Variants in PTPRM observed in about 807,000 individuals in gnomAD.
The protein encoded by PTPRM is receptor-type tyrosine-protein phosphatase mu.
In PTPRM, 47 loss-of-function variants were observed where a neutral mutation model predicts 186.7. That is an observed-to-expected ratio of 0.25 (90% CI 0.20 to 0.32). The LOEUF (loss-of-function observed/expected upper bound fraction) is 0.32, where lower values mean the gene tolerates loss of function less well. Among genes scored for constraint, PTPRM ranks in the 10% least tolerant of loss-of-function variants. The probability of loss-of-function intolerance (pLI) is 1.00; values close to 1 mark genes in which losing one functional copy is unlikely to be tolerated. For synonymous variants in PTPRM, 668 were observed against 674.9 expected (o/e 0.99, Z 0.16); for missense variants, 1,494 against 1,865.0 (o/e 0.80, Z 3.66).
At chr18:8,147,938 G>T (rs2092922887) in intron 14 of PTPRM, among the ~76,000 whole-genome samples, 3 of 152,134 alleles carry the variant, frequency 2.0e-5, no homozygotes, top group African/African-American at 4.8e-5. Context: ...TTATGTGATG[G>T]GTTACGTTTA....
intron 1 of PTPRM, among the ~76,000 whole-genome samples, chr18:7,616,138 A>G (rs2037797487): frequency 6.6e-6 from 1 of 152,110 alleles, no homozygotes; most frequent in Non-Finnish European, 1.5e-5. Flanking sequence ...GGACATCAGG[A>G]AAGTCCAGCT....
chr18:7,750,699 C>G (rs1028241157), intron 1 of PTPRM, among the ~76,000 whole-genome samples: 1 of 152,180 alleles, frequency 6.6e-6, no homozygotes, highest in Non-Finnish European at 1.5e-5. Context: ...AAAATACGTG[C>G]TATCTCATGA....
At chr18:7,721,398 T>C (rs1197955273) in intron 1 of PTPRM, among the ~76,000 whole-genome samples, 1 of 152,176 alleles carries the variant, frequency 6.6e-6, no homozygotes, top group Non-Finnish European at 1.5e-5. Flanking sequence ...GATTTGTAAG[T>C]ATTTTCTCTC....
At chr18:7,802,748 G>A (rs1451853781) in intron 2 of PTPRM, among the ~76,000 whole-genome samples, 4 of 152,136 alleles carry the variant, frequency 2.6e-5, no homozygotes, top group Non-Finnish European at 5.9e-5. Flanking sequence ...TCTACAGAAA[G>A]TATGACATCT....
intron 1 of PTPRM, among the ~76,000 whole-genome samples, chr18:7,718,116 T>G (rs2040377531): frequency 6.6e-6 from 1 of 152,116 alleles, no homozygotes; most frequent in Admixed American, 6.5e-5. Flanking sequence ...CAAGCAATAC[T>G]AAGCAAAAAG....
At chr18:8,337,905 C>T (rs540914518) in intron 22 of PTPRM, among the ~76,000 whole-genome samples, 8 of 152,238 alleles carry the variant, frequency 5.3e-5, no homozygotes, top group African/African-American at 1.7e-4. Context: ...CTGAGAGCAG[C>T]GGAAAGCTGT....
chr18:8,139,875 C>G (rs767164721), intron 13 of PTPRM, among the ~76,000 whole-genome samples: 1 of 152,192 alleles, frequency 6.6e-6, no homozygotes, highest in Non-Finnish European at 1.5e-5. Flanking sequence ...TGTCTGTCTT[C>G]CCCACAAGGA....
chr18:8,328,255 G>A (rs531661365), intron 22 of PTPRM, among the ~76,000 whole-genome samples: 260 of 152,316 alleles, frequency 1.7e-3, no homozygotes, highest in Middle Eastern at 3.4e-3. Flanking sequence ...AGCCATTCCG[G>A]TAGTGGAGGG....
chr18:8,360,351 G>T (rs576489028), intron 23 of PTPRM, among the ~76,000 whole-genome samples: 1 of 152,172 alleles, frequency 6.6e-6, no homozygotes, highest in African/African-American at 2.4e-5. Context: ...TTCTAGCAGT[G>T]AGAAGGTGGA....
chr18:7,851,741 A>G (rs2046870238), intron 2 of PTPRM, among the ~76,000 whole-genome samples: 1 of 152,192 alleles, frequency 6.6e-6, no homozygotes, highest in African/African-American at 2.4e-5. Flanking sequence ...TAGGTAAAGC[A>G]TGATCGTGCA....
At chr18:8,070,472 CTG>C (rs758047346) in intron 8 of PTPRM, among the ~76,000 whole-genome samples, 51 of 152,260 alleles carry the variant, frequency 3.3e-4, no homozygotes, top group Non-Finnish European at 6.0e-4. Context: ...TCTTGAGAAA[CTG>C]TAAGTTGGTG....
chr18:7,599,539 C>T (rs994237553), intron 1 of PTPRM, among the ~76,000 whole-genome samples: 21 of 152,322 alleles, frequency 1.4e-4, no homozygotes, highest in African/African-American at 4.8e-4. Flanking sequence ...GAGCTCCCAA[C>T]AGCTCTCATC....
At chr18:7,618,380 A>G (rs1364348315) in intron 1 of PTPRM, among the ~76,000 whole-genome samples, 1 of 152,198 alleles carries the variant, frequency 6.6e-6, no homozygotes, top group African/African-American at 2.4e-5. Flanking sequence ...TTTGAATAAT[A>G]CATTTTAAAA....
At chr18:7,569,047 T>C (rs2036507808) in intron 1 of PTPRM, among the ~76,000 whole-genome samples, 1 of 152,206 alleles carries the variant, frequency 6.6e-6, no homozygotes, top group South Asian at 2.1e-4. Flanking sequence ...AATAGGTCTC[T>C]GCGTTTGGGA....
At position 8,379,309 on chromosome 18, in the gene PTPRM, G is replaced by A; in HGVS notation, c.3755G>A (p.Ser1252Asn). The A allele has an allele frequency of 1.2e-6, 2 of 1,613,506 alleles. No homozygotes were observed. The highest frequency in any genetic ancestry group is 1.7e-6 in the Non-Finnish European group (2 of 1,179,826). Residue 1252 changes from serine (S) to asparagine (N), a missense_variant, in exon 28 of 33, where the codon AGC (serine) becomes AAC (asparagine). Around this residue, in one of 3 missense-constraint regions of PTPRM, gnomAD observed 1,107 missense variants for 1,350.2 expected, o/e 0.82. Coordinates refer to ENST00000580170, the MANE Select transcript of PTPRM (RefSeq NM_001105244.2). ...LPFLITIDGE[S>N]SNYINAALMD... ...TTCCTCATCACCATCGATGGGGAGA[G>A]CAGCAACTACATCAATGCTGCCCTC...
rs78778994 is a variant in PTPRM, at chr18:7,729,272, A to G, written c.74-44877A>G. 2.3e-4 allele frequency among the ~76,000 whole-genome samples: 35 copies of G among 152,326 alleles called. No homozygotes were observed. In the East Asian group the frequency reaches 6.8e-3, roughly 29 times the overall value. On this transcript the variant is annotated intron_variant, in intron 1 of 32. Coordinates refer to ENST00000580170, the MANE Select transcript of PTPRM (RefSeq NM_001105244.2). Reference sequence around the variant, plus strand: ...CTTGGCCTTTGTTGTACATCAAGGTAATAAATAAATGGTCCTCACTTATGG... The same window carrying G: ...CTTGGCCTTTGTTGTACATCAAGGTGATAAATAAATGGTCCTCACTTATGG...
At chr18:7,585,290 T>C (rs1567968161) in intron 1 of PTPRM, among the ~76,000 whole-genome samples, 1 of 152,220 alleles carries the variant, frequency 6.6e-6, no homozygotes. Flanking sequence ...AAACGGGATG[T>C]CTTCTAAGCA....
chr18:7,819,478 A>G (rs76823935), intron 2 of PTPRM, among the ~76,000 whole-genome samples: 2,575 of 119,954 alleles, frequency 0.021, 172 homozygotes, highest in Admixed American at 0.16. Context: ...TGGCCAGGGC[A>G]GAGGAGAGCC....
intron 14 of PTPRM, among the ~76,000 whole-genome samples, chr18:8,234,001 A>G (rs568045377): frequency 6.6e-6 from 1 of 152,226 alleles, no homozygotes; most frequent in African/African-American, 2.4e-5. Context: ...TATTTCACCA[A>G]TACCACACTG....
Sources: gnomAD v4.1 joint callset for allele counts (sites outside exome capture counted in the v4.1 genomes callset) on GRCh38, gnomAD v4.1.1 for gene constraint, gnomAD v4.1.1 regional missense constraint, MANE v1.5 for transcripts, NCBI Gene and HGNC (gene_info 2026-07-23, HGNC 2026-07-21) for gene names.